The following XYLT1 variants were observed in gnomAD, a reference collection of about 807,000 sequenced individuals.
The protein encoded by XYLT1 is beta-D-xylosyltransferase 1.
A neutral mutation model predicts 91.3 loss-of-function variants in XYLT1; 36 were observed. The observed-to-expected ratio is 0.39, with a 90% confidence interval of 0.30 to 0.52. XYLT1 has a LOEUF of 0.52. Ranked by LOEUF, XYLT1 falls within the 20% of genes least tolerant of loss-of-function variation. The pLI, the probability that XYLT1 is intolerant of heterozygous loss-of-function variation, is 0.68. For missense variants in XYLT1, 1,242 were observed against 1,284.5 expected (o/e 0.97, Z 0.51); for synonymous variants, 588 against 532.0 (o/e 1.11, Z -1.45).
At chr16:17,396,459 T>C (rs1478111312) in intron 1 of XYLT1, among the ~76,000 whole-genome samples, 1 of 152,080 alleles carries the variant, frequency 6.6e-6, no homozygotes, top group Non-Finnish European at 1.5e-5. Context: ...TAAAGATAAA[T>C]GAAGGGGTTG....
chr16:17,126,901 G>C (rs993081358), intron 10 of XYLT1, among the ~76,000 whole-genome samples: 1 of 152,156 alleles, frequency 6.6e-6, no homozygotes, highest in Non-Finnish European at 1.5e-5. Flanking sequence ...CAGTGAAGAG[G>C]GAGACACAGT....
intron 9 of XYLT1, among the ~76,000 whole-genome samples, chr16:17,133,366 G>GGAATCTATCC (rs1277496637): frequency 6.6e-6 from 1 of 152,026 alleles, no homozygotes; most frequent in African/African-American, 2.4e-5. Context: ...GGCACTTCTG[G>GGAATCTATCC]GAATCTATCC....
At chr16:17,275,255 AC>A (rs1204874925) in intron 2 of XYLT1, among the ~76,000 whole-genome samples, 1 of 152,206 alleles carries the variant, frequency 6.6e-6, no homozygotes, top group East Asian at 1.9e-4. Flanking sequence ...TCCACATTTC[AC>A]AGGTGAAAGT....
chr16:17,437,863 G>A (rs1236968660), intron 1 of XYLT1, among the ~76,000 whole-genome samples: 9 of 152,162 alleles, frequency 5.9e-5, no homozygotes, highest in Admixed American at 1.3e-4. Context: ...AGCAGTATTT[G>A]CAGCAAAGAG....
chr16:17,245,766 T>C (rs927721542), intron 3 of XYLT1, among the ~76,000 whole-genome samples: 2 of 152,230 alleles, frequency 1.3e-5, no homozygotes. Context: ...CATGGGTGAC[T>C]GAAGGATACA....
chr16:17,400,421 C>T (rs2035947725), intron 1 of XYLT1, among the ~76,000 whole-genome samples: 1 of 152,100 alleles, frequency 6.6e-6, no homozygotes, highest in South Asian at 2.1e-4. Context: ...AAAACCCTGT[C>T]TCTACTAAAA....
chr16:17,299,466 A>C, intron 2 of XYLT1, among the ~76,000 whole-genome samples: 1 of 152,172 alleles, frequency 6.6e-6, no homozygotes, highest in East Asian at 1.9e-4. Context: ...ATTGCCAAAC[A>C]CCATTGAGTT....
chr16:17,240,700 C>A (rs2033332521), intron 3 of XYLT1, among the ~76,000 whole-genome samples: 1 of 152,184 alleles, frequency 6.6e-6, no homozygotes, highest in Admixed American at 6.5e-5. Flanking sequence ...ATAATGCTTT[C>A]TTTAATGATG....
At chr16:17,208,871 CCCA>C (rs1318139601) in intron 3 of XYLT1, among the ~76,000 whole-genome samples, 1 of 152,052 alleles carries the variant, frequency 6.6e-6, no homozygotes, top group African/African-American at 2.4e-5. Context: ...ACTACAGGTG[CCCA>C]CCACCACGCC....
At chr16:17,395,946 C>T (rs1346447128) in intron 1 of XYLT1, among the ~76,000 whole-genome samples, 2 of 152,164 alleles carry the variant, frequency 1.3e-5, no homozygotes, top group Non-Finnish European at 2.9e-5. Flanking sequence ...TCACAAGGCG[C>T]CACGGCAGAG....
chr16:17,378,763 C>T (rs2035634345), intron 1 of XYLT1, among the ~76,000 whole-genome samples: 1 of 152,184 alleles, frequency 6.6e-6, no homozygotes, highest in Admixed American at 6.5e-5. Context: ...TGGCCCAGTG[C>T]TGCAGAACCA....
intron 10 of XYLT1, among the ~76,000 whole-genome samples, chr16:17,124,592 CT>C (rs1288856876): frequency 6.6e-6 from 1 of 152,140 alleles, no homozygotes; most frequent in Non-Finnish European, 1.5e-5. Context: ...TAGGCATGAT[CT>C]TTTTGCAATG....
chr16:17,109,983 A>C lies in XYLT1; in HGVS notation c.2558-966T>G, dbSNP rs542067165. Among the ~76,000 whole-genome samples, 224 of 152,322 alleles carry C rather than the reference A, an allele frequency of 1.5e-3. 5 individuals are homozygous for C. The highest frequency in any genetic ancestry group is 5.4e-3 in the South Asian group (26 of 4,830). ...GGGGTGGGAGGTCAAACTAGCTCTC[A>C]TAACAGTGCTGCCTTGCTGGGCCCC... On this transcript the variant is annotated intron_variant, in intron 11 of 11. Coordinates refer to ENST00000261381, the MANE Select transcript of XYLT1 (RefSeq NM_022166.4).
intron 10 of XYLT1, among the ~76,000 whole-genome samples, chr16:17,119,696 TA>T (rs1287522448): frequency 6.6e-6 from 1 of 152,246 alleles, no homozygotes; most frequent in Non-Finnish European, 1.5e-5. Context: ...CCCTTGTCAT[TA>T]TCTTTACTTT....
chr16:17,305,642 CTGACCTCA>C (rs1845807983), intron 2 of XYLT1, among the ~76,000 whole-genome samples: 1 of 152,128 alleles, frequency 6.6e-6, no homozygotes, highest in Admixed American at 6.5e-5. Context: ...TCTCGATCTC[CTGACCTCA>C]TGATCCCTCC....
intron 2 of XYLT1, among the ~76,000 whole-genome samples, chr16:17,283,229 G>A (rs2034084111): frequency 6.6e-6 from 1 of 152,220 alleles, no homozygotes; most frequent in Non-Finnish European, 1.5e-5. Flanking sequence ...CCAGGCAGCA[G>A]ATGTTAATAC....
intron 1 of XYLT1, among the ~76,000 whole-genome samples, chr16:17,427,739 C>T (rs887384590): frequency 2.6e-5 from 4 of 152,218 alleles, no homozygotes; most frequent in African/African-American, 9.6e-5. Context: ...TCTTCTCTTA[C>T]ATTCGTGTTT....
chr16:17,251,236 G>A (rs1596448664), intron 3 of XYLT1: 1 of 152,222 alleles, frequency 6.6e-6, no homozygotes, highest in African/African-American at 2.4e-5. Flanking sequence ...GGTAAAGACG[G>A]TTTGTTGCTG....
chr16:17,242,366 CT>C (rs1437159104), intron 3 of XYLT1, among the ~76,000 whole-genome samples: 3 of 152,218 alleles, frequency 2.0e-5, no homozygotes, highest in Non-Finnish European at 4.4e-5. Flanking sequence ...ATTATCTAGC[CT>C]TTTACAGAAA....
Sources: gnomAD v4.1 joint callset for allele counts (sites outside exome capture counted in the v4.1 genomes callset) on GRCh38, gnomAD v4.1.1 for gene constraint, MANE v1.5 for transcripts, NCBI Gene and HGNC (gene_info 2026-07-23, HGNC 2026-07-21) for gene names.